AGBL4: variants seen among roughly 807,000 people sequenced by gnomAD.
The protein encoded by AGBL4 is AGBL carboxypeptidase 4.
A neutral mutation model predicts 66.4 loss-of-function variants in AGBL4; 58 were observed. The observed-to-expected ratio is 0.87, with a 90% CI of 0.71 to 1.09. AGBL4 has a LOEUF of 1.09. Among genes scored for constraint, AGBL4 ranks in the 50% least tolerant of loss-of-function variants. AGBL4 has a pLI of 0.00. For missense variants in AGBL4, 579 were observed against 631.0 expected (o/e 0.92, Z 0.88); for synonymous variants, 234 against 222.9 (o/e 1.05, Z -0.44).
intron 3 of AGBL4, among the ~76,000 whole-genome samples, chr1:49,278,701 C>A (rs552612266): frequency 3.9e-5 from 6 of 152,052 alleles, no homozygotes; most frequent in South Asian, 2.1e-4. Context: ...TTGTTGCTGG[C>A]GTCAGGGATA....
At chr1:49,098,554 G>A (rs1645148437) in intron 4 of AGBL4, among the ~76,000 whole-genome samples, 1 of 152,208 alleles carries the variant, frequency 6.6e-6, no homozygotes, top group East Asian at 1.9e-4. Context: ...AGGAAGCAGG[G>A]ATTCTAAGAG....
At chr1:49,563,135 C>T (rs1258565159) in intron 3 of AGBL4, among the ~76,000 whole-genome samples, 2 of 151,922 alleles carry the variant, frequency 1.3e-5, no homozygotes, top group Non-Finnish European at 1.5e-5. Context: ...TATAAGAATG[C>T]TTGTGATTTT....
chr1:49,675,658 A>G (rs1185242531), intron 3 of AGBL4, among the ~76,000 whole-genome samples: 1 of 152,096 alleles, frequency 6.6e-6, no homozygotes, highest in African/African-American at 2.4e-5. Context: ...CAGAAAAGCC[A>G]TCTTAGTTGC....
chr1:48,982,579 A>G (rs1659865039), intron 5 of AGBL4, among the ~76,000 whole-genome samples: 1 of 151,796 alleles, frequency 6.6e-6, no homozygotes, highest in African/African-American at 2.4e-5. Flanking sequence ...TATGTGCCAC[A>G]TTTTCTTAAT....
At chr1:49,739,452 G>A (rs1650220511) in intron 2 of AGBL4, among the ~76,000 whole-genome samples, 1 of 152,192 alleles carries the variant, frequency 6.6e-6, no homozygotes, top group South Asian at 2.1e-4. Flanking sequence ...AAGTGACGGG[G>A]AGAATGGAAA....
chr1:49,814,369 G>A (rs138169049), intron 2 of AGBL4, among the ~76,000 whole-genome samples: 17 of 152,204 alleles, frequency 1.1e-4, no homozygotes, highest in Non-Finnish European at 2.1e-4. Flanking sequence ...TGTCTTGAAC[G>A]CTATCAGCCC....
intron 3 of AGBL4, among the ~76,000 whole-genome samples, chr1:49,398,440 A>T (rs1570620592): frequency 6.6e-6 from 1 of 151,888 alleles, no homozygotes; most frequent in African/African-American, 2.4e-5. Flanking sequence ...AGGTTCTCAG[A>T]CCTTCAGCCT....
intron 3 of AGBL4, among the ~76,000 whole-genome samples, chr1:49,302,444 G>A (rs185474038): frequency 8.1e-4 from 123 of 151,644 alleles, no homozygotes; most frequent in African/African-American, 2.9e-3. Flanking sequence ...TAGTAGAAAC[G>A]GGGTTTCACC....
chr1:49,442,516 T>C (rs79344713), intron 3 of AGBL4, among the ~76,000 whole-genome samples: 4,214 of 152,348 alleles, frequency 0.028, 170 homozygotes, highest in African/African-American at 0.096. Flanking sequence ...AATATCTTTC[T>C]GTGCCTGGAT....
At chr1:49,646,704 C>T (rs1645895845) in intron 3 of AGBL4, among the ~76,000 whole-genome samples, 1 of 151,858 alleles carries the variant, frequency 6.6e-6, no homozygotes, top group Non-Finnish European at 1.5e-5. Context: ...TAAAAATGCA[C>T]AGAATCCAGA....
At chr1:49,172,619 A>G (rs1197714900) in intron 4 of AGBL4, among the ~76,000 whole-genome samples, 3 of 152,210 alleles carry the variant, frequency 2.0e-5, no homozygotes, top group Non-Finnish European at 4.4e-5. Context: ...AGAAGTGTGG[A>G]GGTAGGATCC....
At chr1:49,209,534 A>T (rs535546171) in intron 4 of AGBL4, among the ~76,000 whole-genome samples, 36 of 152,192 alleles carry the variant, frequency 2.4e-4, no homozygotes, top group Non-Finnish European at 4.4e-5. Flanking sequence ...ACATTATGGT[A>T]TGGGAAGAAC....
At chr1:49,833,228 A>T (rs950063483) in intron 2 of AGBL4, among the ~76,000 whole-genome samples, 1 of 152,144 alleles carries the variant, frequency 6.6e-6, no homozygotes, top group Non-Finnish European at 1.5e-5. Context: ...CCAGTTTTCC[A>T]AGCACCATTT....
intron 4 of AGBL4, among the ~76,000 whole-genome samples, chr1:49,123,674 C>A (rs187897319): frequency 2.6e-5 from 4 of 152,252 alleles, no homozygotes; most frequent in East Asian, 3.9e-4. Context: ...ATAATAAACT[C>A]TACTCCTTAT....
At chr1:49,800,229 T>C (rs896591996) in intron 2 of AGBL4, among the ~76,000 whole-genome samples, 1 of 152,196 alleles carries the variant, frequency 6.6e-6, no homozygotes, top group Non-Finnish European at 1.5e-5. Context: ...AAAGTGGTAA[T>C]ATGTATGTGA....
intron 4 of AGBL4, among the ~76,000 whole-genome samples, chr1:49,189,311 A>G (rs1480860367): frequency 1.3e-5 from 2 of 152,172 alleles, no homozygotes; most frequent in Admixed American, 6.5e-5. Flanking sequence ...GACTATGAAC[A>G]CCTCGTTCCT....
intron 2 of AGBL4, among the ~76,000 whole-genome samples, chr1:49,773,433 C>T (rs987323916): frequency 7.2e-5 from 11 of 152,074 alleles, no homozygotes; most frequent in Non-Finnish European, 1.0e-4. Context: ...TATGGAGTAG[C>T]TTTGGTAGCT....
At chr1:49,024,470 A>G (rs1663488214) in intron 5 of AGBL4, among the ~76,000 whole-genome samples, 2 of 152,124 alleles carry the variant, frequency 1.3e-5, no homozygotes, top group Non-Finnish European at 2.9e-5. Context: ...CTCATCAGTC[A>G]TCTACTCCTT....
intron 6 of AGBL4, among the ~76,000 whole-genome samples, chr1:48,694,547 A>G (rs1054266024): frequency 6.6e-6 from 1 of 152,238 alleles, no homozygotes; most frequent in Non-Finnish European, 1.5e-5. Context: ...AAGTCAGCCC[A>G]TGGTGACTGG....
Sources: gnomAD v4.1 joint callset for allele counts (sites outside exome capture counted in the v4.1 genomes callset) on GRCh38, gnomAD v4.1.1 for gene constraint, MANE v1.5 for transcripts, NCBI Gene and HGNC (gene_info 2026-07-23, HGNC 2026-07-21) for gene names.